KIAA0753: variants seen among roughly 807,000 people sequenced by gnomAD.
The protein encoded by KIAA0753 is protein moonraker.
In KIAA0753, 114 loss-of-function variants were observed where a neutral mutation model predicts 116.9. The ratio of observed to expected loss-of-function variants is 0.98; its 90% confidence interval spans 0.84 to 1.14. The LOEUF is 1.14. Among genes scored for constraint, KIAA0753 ranks in the 50% most tolerant of loss-of-function variants. The pLI, the probability that KIAA0753 is intolerant of heterozygous loss-of-function variation, is 0.00. For synonymous variants in KIAA0753, 405 were observed against 413.1 expected, an observed-to-expected ratio of 0.98 and a Z score of 0.24; for missense variants, 1,156 against 1,172.4, an observed-to-expected ratio of 0.99 and a Z score of 0.20.
intron 16 of KIAA0753, among the ~76,000 whole-genome samples, chr17:6,591,241 T>C (rs1969044727): frequency 6.6e-6 from 1 of 152,236 alleles, no homozygotes; most frequent in Non-Finnish European, 1.5e-5. Flanking sequence ...CTTCTGAGTG[T>C]CAGATTATTT....
At chr17:6,607,007 A>G in intron 11 of KIAA0753, 45 bp from the exon 12 acceptor site, 3 of 1,566,676 alleles carry the variant, frequency 1.9e-6, no homozygotes, top group Non-Finnish European at 2.6e-6. Context: ...CTCAAGGCAG[A>G]GTCAGGGCTC....
chr17:6,634,684 TAA>T (rs1311287855), intron 2 of KIAA0753: 4 of 204,762 alleles, frequency 2.0e-5, no homozygotes. Flanking sequence ...TAAAGCTGAA[TAA>T]AGACTGGTTA....
intron 8 of KIAA0753, among the ~76,000 whole-genome samples, chr17:6,610,846 C>T (rs1040747002): frequency 6.6e-6 from 1 of 152,118 alleles, no homozygotes; most frequent in Non-Finnish European, 1.5e-5. Flanking sequence ...AAAATGTTAT[C>T]GAGAATGCGG....
At chr17:6,609,061 T>A (rs1213527536) in intron 9 of KIAA0753, among the ~76,000 whole-genome samples, 1 of 152,250 alleles carries the variant, frequency 6.6e-6, no homozygotes, top group Non-Finnish European at 1.5e-5. Flanking sequence ...GGCTGTTACA[T>A]GAATAAGACA....
chr17:6,635,488 T>C (rs1972266751), intron 1 of KIAA0753: 2 of 162,410 alleles, frequency 1.2e-5, no homozygotes, highest in South Asian at 3.6e-4. Flanking sequence ...AAAACAGAGC[T>C]TTGCCATGGT....
intron 8 of KIAA0753, among the ~76,000 whole-genome samples, chr17:6,610,821 A>T (rs550110877): frequency 4.0e-4 from 61 of 152,262 alleles, no homozygotes; most frequent in Admixed American, 1.4e-3. Flanking sequence ...AAATAGAATG[A>T]ATCTAGCGAT....
At chr17:6,631,238 T>C (rs1201968358) in intron 2 of KIAA0753, among the ~76,000 whole-genome samples, 2 of 152,146 alleles carry the variant, frequency 1.3e-5, no homozygotes, top group Admixed American at 6.6e-5. Context: ...AAAGTGAAGA[T>C]GAAAAAAATT....
At chr17:6,622,110 A>G (rs1378949430) in intron 6 of KIAA0753, among the ~76,000 whole-genome samples, 1 of 152,210 alleles carries the variant, frequency 6.6e-6, no homozygotes, top group African/African-American at 2.4e-5. Flanking sequence ...GCTAACATAA[A>G]GATCACCTTT....
chr17:6,585,331 C>T (rs913099577), intron 18 of KIAA0753, among the ~76,000 whole-genome samples: 1 of 152,138 alleles, frequency 6.6e-6, no homozygotes, highest in Admixed American at 6.5e-5. Flanking sequence ...AATGATGTGC[C>T]ATGGTGTGTT....
At chr17:6,628,014 A>C (rs1971781020) in intron 3 of KIAA0753, 103 bp downstream of exon 3, 1 of 1,139,772 alleles carries the variant, frequency 8.8e-7, no homozygotes, top group Non-Finnish European at 1.3e-6. Context: ...TCACAGAAGG[A>C]AAGAATGAAA....
intron 14 of KIAA0753, among the ~76,000 whole-genome samples, chr17:6,597,154 A>C (rs1490905592): frequency 6.6e-6 from 1 of 152,194 alleles, no homozygotes; most frequent in Non-Finnish European, 1.5e-5. Flanking sequence ...GCACGCTGAG[A>C]CACTTAGCAT....
chr17:6,630,772 C>T (rs886688371), intron 2 of KIAA0753, among the ~76,000 whole-genome samples: 183 of 152,318 alleles, frequency 1.2e-3, no homozygotes, highest in African/African-American at 4.2e-3. Context: ...CTCTGTGACA[C>T]TTCTATGAAT....
intron 12 of KIAA0753, among the ~76,000 whole-genome samples, chr17:6,606,422 A>G (rs1970197641): frequency 6.6e-6 from 1 of 152,264 alleles, no homozygotes; most frequent in African/African-American, 2.4e-5. Context: ...TATAGTTTAA[A>G]AAACACTTAT....
chr17:6,588,517 G>A (rs1281493333), intron 18 of KIAA0753, among the ~76,000 whole-genome samples: 5 of 152,080 alleles, frequency 3.3e-5, no homozygotes, highest in East Asian at 1.9e-4. Flanking sequence ...GGGTGGGGCC[G>A]ATCACAGAGA....
At position 6,578,197 on chromosome 17, in the gene KIAA0753, G is replaced by C. The variant is rs1967902558; in HGVS notation, c.*1550C>G. On this transcript the variant is annotated 3_prime_UTR_variant, in exon 19 of 19. Coordinates refer to ENST00000361413, the MANE Select transcript of KIAA0753 (RefSeq NM_014804.3). Reference sequence around the variant, plus strand: ...TATTGTCACTAATTTTTTTCTCGGGGGGAAGGGGTGGCAAATAATCCACTA... The same window carrying C: ...TATTGTCACTAATTTTTTTCTCGGGCGGAAGGGGTGGCAAATAATCCACTA... The C allele has an allele frequency of 6.6e-6, 1 of 151,926 alleles. No homozygotes were observed. Among genetic ancestry groups the C allele is most frequent in the Non-Finnish European group, 1.5e-5 (1 of 68,010 alleles). 9.4% of individuals were successfully genotyped at this position (151,926 alleles called of 1,614,324 possible).
At chr17:6,599,366 C>T (rs746277329) in intron 13 of KIAA0753, 46 bp from the exon 14 acceptor site, 10 of 1,235,490 alleles carry the variant, frequency 8.1e-6, no homozygotes, top group Non-Finnish European at 1.2e-5. Flanking sequence ...AGACTTATAG[C>T]TCCTATTAGT....
At chr17:6,636,408 G>C (rs1341547569) in intron 1 of KIAA0753, 2 of 152,082 alleles carry the variant, frequency 1.3e-5, no homozygotes, top group African/African-American at 4.8e-5. Flanking sequence ...TTCCCTCCTG[G>C]CTGCTTCTAG....
intron 13 of KIAA0753, among the ~76,000 whole-genome samples, chr17:6,599,973 A>C (rs1969747386): frequency 6.6e-6 from 1 of 152,200 alleles, no homozygotes; most frequent in South Asian, 2.1e-4. Flanking sequence ...TCAAGAAAGT[A>C]CTGGATTGTG....
rs368931554 is a variant in KIAA0753, at chr17:6,600,447, G to C, written c.2021C>G (p.Thr674Ser). 2.9e-5 allele frequency: 47 copies of C among 1,612,570 alleles called. No individual in the cohort carries two copies. Among genetic ancestry groups the C allele is most frequent in the Middle Eastern group, 3.3e-4 (2 of 6,062 alleles). The change falls in exon 13 of 19, where the codon ACC (threonine) becomes AGC (serine). Residue 674 changes from threonine (T) to serine (S), a missense_variant. By Grantham distance (58) the Thr-to-Ser change is moderately conservative. Coordinates refer to ENST00000361413, the MANE Select transcript of KIAA0753 (RefSeq NM_014804.3). ...YRLQQLSVSA[T>S]HLADKVEEAV... is the part of the protein sequence containing the mutation. ...CTCCTCTACCTTGTCTGCTAAGTGG[G>C]TGGCAGAAACACTATTTAGAAATAA... is the stretch of plus-strand genomic sequence containing the variant.
Sources: gnomAD v4.1 joint callset for allele counts (sites outside exome capture counted in the v4.1 genomes callset) on GRCh38, gnomAD v4.1.1 for gene constraint, MANE v1.5 for transcripts, NCBI Gene and HGNC (gene_info 2026-07-23, HGNC 2026-07-21) for gene names.